Variants in SERPINE2 observed in about 807,000 individuals in gnomAD.
SERPINE2 encodes serpin family E member 2, also known as glia-derived nexin.
SERPINE2 carries 14 observed loss-of-function variants against 36.3 expected under a neutral mutation model. The ratio of observed to expected loss-of-function variants is 0.39; its 90% CI spans 0.25 to 0.60. SERPINE2 has a LOEUF of 0.60. Among genes scored for constraint, SERPINE2 ranks in the 20% least tolerant of loss-of-function variants. The probability of loss-of-function intolerance (pLI) is 0.57; values close to 1 mark genes in which losing one functional copy is unlikely to be tolerated. For missense variants in SERPINE2, 418 were observed against 499.6 expected, an observed-to-expected ratio of 0.84 and a Z score of 1.56; for synonymous variants, 192 against 191.8, an observed-to-expected ratio of 1.00 and a Z score of -0.01.
At chr2:223,995,955 G>C (rs573585159) in intron 3 of SERPINE2, among the ~76,000 whole-genome samples, 3 of 152,182 alleles carry the variant, frequency 2.0e-5, no homozygotes, top group Non-Finnish European at 4.4e-5. Context: ...TTGTATTACA[G>C]TTTGGCACTG....
intron 3 of SERPINE2, among the ~76,000 whole-genome samples, chr2:223,997,352 C>T (rs944325651): frequency 6.6e-6 from 1 of 152,122 alleles, no homozygotes; most frequent in Non-Finnish European, 1.5e-5. Context: ...TCCCAAGTAG[C>T]TGGGATTACA....
intron 6 of SERPINE2, 41 bp downstream of exon 6, chr2:223,982,640 A>G: frequency 1.7e-6 from 2 of 1,210,686 alleles, no homozygotes; most frequent in South Asian, 2.5e-5. Flanking sequence ...AGTTTGTAAC[A>G]CTTTCTTCAA....
At chr2:223,985,195 AAGGAGAATTTAACT>A in intron 4 of SERPINE2, 1 of 516,674 alleles carries the variant, frequency 1.9e-6, no homozygotes, top group East Asian at 3.3e-5. Flanking sequence ...TAATTCTGTT[AAGGAGAATTTAACT>A]AAATCACAAA....
At chr2:224,019,007 A>G (rs1276366562) in intron 1 of SERPINE2, among the ~76,000 whole-genome samples, 1 of 152,094 alleles carries the variant, frequency 6.6e-6, no homozygotes, top group African/African-American at 2.4e-5. Flanking sequence ...AAGAAAATTC[A>G]GCACCCTCTC....
chr2:223,997,557 C>T (rs1020400641), intron 3 of SERPINE2, among the ~76,000 whole-genome samples: 2 of 152,150 alleles, frequency 1.3e-5, no homozygotes, highest in African/African-American at 4.8e-5. Context: ...TTAGACTCTC[C>T]TTTATTTAAT....
chr2:224,000,694 A>C (rs1691085496), intron 2 of SERPINE2, among the ~76,000 whole-genome samples: 1 of 150,780 alleles, frequency 6.6e-6, no homozygotes, highest in African/African-American at 2.5e-5. Context: ...CTTGCCTTCC[A>C]CCCCTCGACA....
At chr2:224,002,592 A>G (rs1691225410) in intron 1 of SERPINE2, among the ~76,000 whole-genome samples, 1 of 151,782 alleles carries the variant, frequency 6.6e-6, no homozygotes, top group Non-Finnish European at 1.5e-5. Flanking sequence ...TCCCGGGTTC[A>G]AGTGATTCTC....
chr2:224,006,868 C>T (rs35047534), intron 1 of SERPINE2, among the ~76,000 whole-genome samples: 17,525 of 152,264 alleles, frequency 0.12, 1,180 homozygotes, highest in Middle Eastern at 0.19. Flanking sequence ...TCTGCACAGA[C>T]GCCACCCCTT....
chr2:223,998,282 A>T lies in SERPINE2; in HGVS notation c.320T>A (p.Ile107Asn), dbSNP rs952641627. The change falls in exon 3 of 9, where the codon ATT (isoleucine) becomes AAT (asparagine). Residue 107 changes from isoleucine to asparagine, a missense_variant. Physicochemically the swap from Ile to Asn is moderately radical, Grantham distance 149. Coordinates refer to ENST00000409304, the MANE Select transcript of SERPINE2 (RefSeq NM_001136528.2). ...AAACACGGCGTTAGCCACTGTCACA[A>T]TGTCTTTATTCTTCTTGGAGACGAT... ...KAIVSKKNKD[I>N]VTVANAVFVK... 4 of 1,614,182 alleles carry T rather than the reference A, an allele frequency of 2.5e-6. No individual in the cohort carries two copies. Among genetic ancestry groups the T allele is most frequent in the Non-Finnish European group, 3.4e-6 (4 of 1,180,026 alleles).
intron 6 of SERPINE2, chr2:223,981,025 G>C (rs1021345614): frequency 3.3e-5 from 5 of 152,332 alleles, no homozygotes; most frequent in African/African-American, 9.7e-5. Flanking sequence ...TTACTTCTCA[G>C]CAAATTCTGA....
intron 1 of SERPINE2, among the ~76,000 whole-genome samples, chr2:224,003,323 A>G (rs1691262828): frequency 6.6e-6 from 1 of 152,226 alleles, no homozygotes; most frequent in Non-Finnish European, 1.5e-5. Flanking sequence ...CTGGAAAGGC[A>G]CTGGGATTTC....
At chr2:224,008,550 C>T (rs1319132085) in intron 1 of SERPINE2, among the ~76,000 whole-genome samples, 2 of 152,170 alleles carry the variant, frequency 1.3e-5, no homozygotes, top group East Asian at 1.9e-4. Flanking sequence ...TATTGGTGCT[C>T]AAAATGAGCC....
chr2:223,983,119 T>C (rs540365196), intron 5 of SERPINE2, among the ~76,000 whole-genome samples: 2 of 152,248 alleles, frequency 1.3e-5, no homozygotes, highest in African/African-American at 2.4e-5. Flanking sequence ...AAGTTCCTAG[T>C]ACTCTGGAAT....
chr2:223,980,077 C>T, intron 7 of SERPINE2: 1 of 423,560 alleles, frequency 2.4e-6, no homozygotes, highest in Non-Finnish European at 4.3e-6. Flanking sequence ...TTGCTGACTC[C>T]TGTCCTAGAG....
intron 1 of SERPINE2, among the ~76,000 whole-genome samples, chr2:224,025,218 G>A (rs181274095): frequency 2.0e-5 from 3 of 152,130 alleles, no homozygotes; most frequent in Non-Finnish European, 2.9e-5. Context: ...TCACCTGCCC[G>A]CCCCTTGCCC....
Position 223,980,297 on chromosome 2 carries a change from G to T in SERPINE2, c.1072+14C>A. On this transcript the variant is annotated intron_variant, in intron 7 of 8. Coordinates refer to ENST00000409304, the MANE Select transcript of SERPINE2 (RefSeq NM_001136528.2). Reference sequence around the variant, plus strand: ...CCTGCTAGAGGAAGCCCTGCCACGTGACCCAGTGCTTACTTGTTGCTGCTG... The same window carrying T: ...CCTGCTAGAGGAAGCCCTGCCACGTTACCCAGTGCTTACTTGTTGCTGCTG... 1 of 1,610,668 alleles carries T rather than the reference G, an allele frequency of 6.2e-7. No individual in the cohort carries two copies. The highest frequency in any genetic ancestry group is 1.1e-5 in the South Asian group (1 of 90,940).
intron 1 of SERPINE2, among the ~76,000 whole-genome samples, chr2:224,011,901 A>T (rs1691635638): frequency 1.3e-5 from 2 of 152,334 alleles, no homozygotes; most frequent in Non-Finnish European, 2.9e-5. Flanking sequence ...ACTGTGGGTG[A>T]CCTTTTACCA....
intron 2 of SERPINE2, 79 bp downstream of exon 2, chr2:224,001,563 G>A (rs1691160411): frequency 1.3e-6 from 2 of 1,511,662 alleles, no homozygotes; most frequent in Non-Finnish European, 1.8e-6. Flanking sequence ...GGGGTTGTCA[G>A]CAAAAACCAA....
At chr2:224,006,907 C>G (rs1691446394) in intron 1 of SERPINE2, among the ~76,000 whole-genome samples, 1 of 152,186 alleles carries the variant, frequency 6.6e-6, no homozygotes, top group South Asian at 2.1e-4. Context: ...TTCCAGCGTG[C>G]CTCGCTCCCG....
Sources: gnomAD v4.1 joint callset for allele counts (sites outside exome capture counted in the v4.1 genomes callset) on GRCh38, gnomAD v4.1.1 for gene constraint, MANE v1.5 for transcripts, NCBI Gene and HGNC (gene_info 2026-07-23, HGNC 2026-07-21) for gene names.